LVRN: variants seen among roughly 807,000 people sequenced by gnomAD.
LVRN encodes the protein aminopeptidase Q.
LVRN carries 99 observed loss-of-function variants against 111.4 expected under a neutral mutation model. The observed-to-expected ratio is 0.89, with a 90% CI of 0.76 to 1.05. LVRN has a LOEUF of 1.05. Among genes scored for constraint, LVRN ranks in the 50% least tolerant of loss-of-function variants. The probability of loss-of-function intolerance (pLI) is 0.00; values close to 1 mark genes in which losing one functional copy is unlikely to be tolerated. For synonymous variants in LVRN, 488 were observed against 449.5 expected (o/e 1.09, Z -1.08); for missense variants, 1,414 against 1,206.8 (o/e 1.17, Z -2.54).
intron 6 of LVRN, among the ~76,000 whole-genome samples, chr5:115,994,200 TA>T (rs970468223): frequency 5.3e-5 from 8 of 152,160 alleles, no homozygotes; most frequent in Admixed American, 1.3e-4. Context: ...TGCCTAAGAT[TA>T]TTTTCACTTA....
intron 10 of LVRN, among the ~76,000 whole-genome samples, 184 bp from the exon 11 acceptor site, chr5:116,002,651 C>G (rs1243021664): frequency 6.6e-6 from 1 of 152,008 alleles, no homozygotes; most frequent in Non-Finnish European, 1.5e-5. Context: ...TAAACAATAG[C>G]CAAAGTAAAA....
Position 116,010,875 on chromosome 5 carries a change from A to T in LVRN, c.2228A>T (p.Asp743Val). 1 of 1,588,324 alleles carries T rather than the reference A, an allele frequency of 6.3e-7. No individual in the cohort carries two copies. Among genetic ancestry groups the T allele is most frequent in the Non-Finnish European group, 8.5e-7 (1 of 1,170,198 alleles). The change falls in exon 14 of 20, where the codon GAT becomes GTT. Residue 743 changes from aspartate to valine, a missense_variant. Asp to Val is a radical substitution (Grantham distance 152). Coordinates refer to ENST00000357872, the MANE Select transcript of LVRN (RefSeq NM_173800.5). The part of the protein sequence containing the change: ...RDLVSEVNIY[D>V]IYSLLKRYLL... ...CTTGTTTCTGAGGTGAACATCTATG[A>T]TATATACTCATTATTAAAGGTAATT...
At chr5:116,000,006 G>A (rs1391748893) in intron 7 of LVRN, 104 bp downstream of exon 7, 1 of 1,269,224 alleles carries the variant, frequency 7.9e-7, no homozygotes. Flanking sequence ...AACATTTTAT[G>A]AAAATAACCT....
Position 116,001,100 on chromosome 5 carries a change from G to A in LVRN, c.1681G>A (p.Ala561Thr). 6.2e-7 allele frequency: 1 copy of A among 1,610,864 alleles called. No homozygotes were observed. The highest frequency in any genetic ancestry group is 8.5e-7 in the Non-Finnish European group (1 of 1,179,146). Residue 561 changes from alanine to threonine, a missense_variant, in exon 10 of 20, where the codon GCA (alanine) becomes ACA (threonine). Coordinates refer to ENST00000357872, the MANE Select transcript of LVRN (RefSeq NM_173800.5). ...TGACCAGAGTACAGTTATTTTGCCA[G>A]CAACAATAAAAAACATAATGGACAG... ...IDDQSTVILP[A>T]TIKNIMDSWT...
intron 19 of LVRN, among the ~76,000 whole-genome samples, chr5:116,024,353 T>C (rs1324859245): frequency 6.6e-6 from 1 of 151,906 alleles, no homozygotes; most frequent in Non-Finnish European, 1.5e-5. Flanking sequence ...CAAATACATA[T>C]GTGGGTCATA....
intron 13 of LVRN, among the ~76,000 whole-genome samples, chr5:116,006,817 C>G (rs1213032633): frequency 1.3e-5 from 2 of 152,320 alleles, no homozygotes; most frequent in Non-Finnish European, 2.9e-5. Context: ...TACATTGCTA[C>G]TTATCTTTCC....
At chr5:115,978,461 C>G (rs1003751700) in intron 1 of LVRN, among the ~76,000 whole-genome samples, 3 of 152,116 alleles carry the variant, frequency 2.0e-5, no homozygotes, top group Non-Finnish European at 4.4e-5. Context: ...GAAATTTAGT[C>G]TGTGGGGTAA....
intron 18 of LVRN, among the ~76,000 whole-genome samples, chr5:116,018,327 T>C (rs919640447): frequency 6.6e-6 from 1 of 152,200 alleles, no homozygotes; most frequent in East Asian, 1.9e-4. Context: ...TAATTATTTA[T>C]TTTATGAGAG....
rs377148434 is a variant in LVRN, at chr5:115,963,082, C to T, written c.465C>T (p.Arg155=). The T allele has an allele frequency of 4.3e-6, 7 of 1,613,538 alleles. No individual in the cohort carries two copies. Among genetic ancestry groups the T allele is most frequent in the Non-Finnish European group, 5.9e-6 (7 of 1,179,978 alleles). ...LLHSLFQDCE[R]AEVRGPLSPG... is the part of the protein sequence containing the mutation. ...ATAGCCTCTTCCAGGACTGCGAGCG[C>T]GCCGAGGTGCGGGGACCCCTTTCCC... The change falls in exon 1 of 20, where the codon CGC becomes CGT. Residue 155 remains arginine (R), a synonymous_variant. Coordinates refer to ENST00000357872, the MANE Select transcript of LVRN (RefSeq NM_173800.5).
intron 19 of LVRN, 50 bp from the exon 20 acceptor site, chr5:116,025,928 C>G: frequency 6.2e-7 from 1 of 1,602,176 alleles, no homozygotes; most frequent in Non-Finnish European, 8.5e-7. Context: ...TTTACTTTGT[C>G]CAAATGGGAA....
At chr5:116,014,979 T>G (rs1288397207) in intron 16 of LVRN, among the ~76,000 whole-genome samples, 1 of 152,148 alleles carries the variant, frequency 6.6e-6, no homozygotes, top group African/African-American at 2.4e-5. Flanking sequence ...TTAGGAAACA[T>G]GATAATCAGA....
chr5:115,967,626 G>T (rs146663844), intron 1 of LVRN, among the ~76,000 whole-genome samples: 1 of 151,978 alleles, frequency 6.6e-6, no homozygotes, highest in Admixed American at 6.5e-5. Flanking sequence ...CTTATATATA[G>T]CTACTAAAAA....
At chr5:115,982,352 CTT>C (rs1753577828) in intron 1 of LVRN, among the ~76,000 whole-genome samples, 1 of 152,114 alleles carries the variant, frequency 6.6e-6, no homozygotes, top group African/African-American at 2.4e-5. Context: ...GAATTCACCT[CTT>C]ATTTATCCAA....
At chr5:116,006,577 C>T (rs555999022) in intron 13 of LVRN, among the ~76,000 whole-genome samples, 1 of 152,248 alleles carries the variant, frequency 6.6e-6, no homozygotes, top group South Asian at 2.1e-4. Flanking sequence ...ATTTTGGCTT[C>T]CTGAGACTCT....
At chr5:116,007,054 T>C (rs150193523) in intron 13 of LVRN, among the ~76,000 whole-genome samples, 17 of 152,336 alleles carry the variant, frequency 1.1e-4, no homozygotes, top group African/African-American at 3.8e-4. Flanking sequence ...GAAATGTCTT[T>C]TGGAGGCTCA....
intron 1 of LVRN, among the ~76,000 whole-genome samples, chr5:115,972,722 T>C (rs1201101600): frequency 1.3e-5 from 2 of 152,098 alleles, no homozygotes; most frequent in Non-Finnish European, 2.9e-5. Flanking sequence ...ATTATGATTT[T>C]TCCTATAAGG....
intron 1 of LVRN, among the ~76,000 whole-genome samples, chr5:115,981,799 C>A (rs1753565536): frequency 6.6e-6 from 1 of 152,112 alleles, no homozygotes; most frequent in Non-Finnish European, 1.5e-5. Context: ...GTAACTTATC[C>A]CTCTTTGAGT....
Position 115,980,894 on chromosome 5 carries a change from C to G in LVRN, c.696-2393C>G, listed in dbSNP as rs184302581. The stretch of plus-strand genomic sequence containing the variant: ...TTGTTTCTCCCAACTTTAGATGACT[C>G]ATGGGCTCTTTTTCCATCCTGCTGG... On this transcript the variant is annotated intron_variant, in intron 1 of 19. Coordinates refer to ENST00000357872, the MANE Select transcript of LVRN (RefSeq NM_173800.5). Among the ~76,000 whole-genome samples the G allele has an allele frequency of 1.8e-4, 27 of 152,226 alleles. 1 individual carries two copies. The East Asian group carries it at 4.4e-3, about 25-fold the overall frequency.
intron 1 of LVRN, among the ~76,000 whole-genome samples, chr5:115,979,502 C>G (rs1753518457): frequency 6.6e-6 from 1 of 152,168 alleles, no homozygotes; most frequent in Admixed American, 6.5e-5. Flanking sequence ...TCTGACCCTT[C>G]TTCTGGGGCC....
Sources: gnomAD v4.1 joint callset for allele counts (sites outside exome capture counted in the v4.1 genomes callset) on GRCh38, gnomAD v4.1.1 for gene constraint, MANE v1.5 for transcripts, NCBI Gene and HGNC (gene_info 2026-07-23, HGNC 2026-07-21) for gene names.